XIRP2: variants seen among roughly 807,000 people sequenced by gnomAD.
XIRP2 encodes xin actin-binding repeat-containing protein 2.
XIRP2 carries 236 observed loss-of-function variants against 277.0 expected under a neutral mutation model. The ratio of observed to expected loss-of-function variants is 0.85; its 90% CI spans 0.77 to 0.95. The LOEUF (loss-of-function observed/expected upper bound fraction) is 0.95. Among genes scored for constraint, XIRP2 ranks in the 40% least tolerant of loss-of-function variants. The pLI is 0.00. For synonymous variants in XIRP2, 1,490 were observed against 1,416.5 expected (o/e 1.05, Z -1.17); for missense variants, 4,640 against 4,157.5 (o/e 1.12, Z -3.19).
chr2:166,995,877 C>A (rs1223271788), intron 2 of XIRP2, among the ~76,000 whole-genome samples: 1 of 152,158 alleles, frequency 6.6e-6, no homozygotes, highest in Non-Finnish European at 1.5e-5. Context: ...AGAGCCTATA[C>A]TTGCACTGTC....
At chr2:167,204,488 A>G (rs1693804855) in intron 3 of XIRP2, among the ~76,000 whole-genome samples, 1 of 152,150 alleles carries the variant, frequency 6.6e-6, no homozygotes, top group Non-Finnish European at 1.5e-5. Flanking sequence ...TTCCCTTCTC[A>G]GCTCTGAAAC....
intron 2 of XIRP2, among the ~76,000 whole-genome samples, chr2:167,089,960 G>A (rs957359580): frequency 1.3e-5 from 2 of 152,274 alleles, no homozygotes; most frequent in Middle Eastern, 3.4e-3. Context: ...TAGAAAAGTA[G>A]AGTTAAAACT....
intron 2 of XIRP2, among the ~76,000 whole-genome samples, chr2:167,085,974 A>T (rs1350593456): frequency 4.0e-5 from 6 of 151,280 alleles, no homozygotes; most frequent in Admixed American, 3.3e-4. Context: ...TGTGAATTTG[A>T]TCCTGTCATT....
At chr2:166,975,520 T>C (rs1244373209) in intron 2 of XIRP2, among the ~76,000 whole-genome samples, 2 of 151,884 alleles carry the variant, frequency 1.3e-5, no homozygotes, top group East Asian at 1.9e-4. Flanking sequence ...ATTAGAACTT[T>C]TGGTGTATTT....
At chr2:167,161,562 C>A (rs897916533) in intron 3 of XIRP2, among the ~76,000 whole-genome samples, 1 of 152,212 alleles carries the variant, frequency 6.6e-6, no homozygotes, top group Non-Finnish European at 1.5e-5. Flanking sequence ...TCTATGTTGG[C>A]CCCTTCCAGC....
intron 2 of XIRP2, among the ~76,000 whole-genome samples, chr2:166,929,990 GT>G (rs1321193397): frequency 3.3e-5 from 5 of 151,020 alleles, no homozygotes; most frequent in Admixed American, 1.3e-4. Context: ...GTAATTTAAC[GT>G]TTCTAAATGA....
chr2:167,141,727 G>C (rs1008742873), intron 3 of XIRP2, among the ~76,000 whole-genome samples: 1 of 151,972 alleles, frequency 6.6e-6, no homozygotes, highest in African/African-American at 2.4e-5. Flanking sequence ...CTGGGCTTGC[G>C]GCACATACCT....
intron 3 of XIRP2, among the ~76,000 whole-genome samples, chr2:167,156,780 C>T (rs1168446691): frequency 2.0e-5 from 3 of 152,086 alleles, no homozygotes; most frequent in Admixed American, 1.3e-4. Flanking sequence ...TAAAAATGAT[C>T]AAGGCTTGAA....
At chr2:167,203,496 A>G (rs1693776780) in intron 3 of XIRP2, among the ~76,000 whole-genome samples, 1 of 152,190 alleles carries the variant, frequency 6.6e-6, no homozygotes, top group African/African-American at 2.4e-5. Context: ...TTAGTTTGAG[A>G]AATGGAATCT....
chr2:166,921,097 T>C (rs1685025001), intron 2 of XIRP2, among the ~76,000 whole-genome samples: 1 of 152,116 alleles, frequency 6.6e-6, no homozygotes, highest in South Asian at 2.1e-4. Context: ...AATGTCTTTC[T>C]TTGGGCTCAA....
At chr2:167,026,392 G>T (rs563608163) in intron 2 of XIRP2, among the ~76,000 whole-genome samples, 37 of 152,078 alleles carry the variant, frequency 2.4e-4, no homozygotes, top group Non-Finnish European at 4.4e-4. Flanking sequence ...ACACTGAAGG[G>T]TCTTGACTCT....
chr2:167,088,851 A>G (rs1477007418), intron 2 of XIRP2, among the ~76,000 whole-genome samples: 1 of 152,152 alleles, frequency 6.6e-6, no homozygotes, highest in African/African-American at 2.4e-5. Context: ...AGCATTCACT[A>G]TGCCCCAAGA....
At chr2:167,034,932 T>C (rs1183344493) in intron 2 of XIRP2, among the ~76,000 whole-genome samples, 5 of 152,196 alleles carry the variant, frequency 3.3e-5, no homozygotes, top group East Asian at 1.9e-4. Flanking sequence ...GGAGCCAGTC[T>C]TTCCCATGCT....
intron 3 of XIRP2, among the ~76,000 whole-genome samples, chr2:167,145,923 T>C (rs1055662798): frequency 7.9e-5 from 12 of 151,986 alleles, no homozygotes; most frequent in African/African-American, 2.7e-4. Context: ...GGAAAATAAT[T>C]CACCATGAAA....
chr2:167,013,638 A>C (rs994021500), intron 2 of XIRP2, among the ~76,000 whole-genome samples: 2 of 151,642 alleles, frequency 1.3e-5, no homozygotes, highest in East Asian at 1.9e-4. Context: ...TTATAACATT[A>C]GATTTTCTAT....
At chr2:167,212,890 C>T (rs1694095927) in intron 4 of XIRP2, among the ~76,000 whole-genome samples, 1 of 58,470 alleles carries the variant, frequency 1.7e-5, no homozygotes, top group African/African-American at 7.4e-5. Flanking sequence ...GTTCAAGCCA[C>T]CCCCCCACCC....
At chr2:167,201,656 T>C (rs916322627) in intron 3 of XIRP2, among the ~76,000 whole-genome samples, 3 of 152,140 alleles carry the variant, frequency 2.0e-5, no homozygotes, top group Non-Finnish European at 4.4e-5. Flanking sequence ...AATTCTAAAC[T>C]CAAGCTTGTA....
intron 2 of XIRP2, among the ~76,000 whole-genome samples, chr2:166,939,699 CAAAAAACAAAAACAA>C (rs1685641227): frequency 8.3e-5 from 10 of 120,474 alleles, no homozygotes; most frequent in African/African-American, 3.3e-4. Context: ...AAAAAAAAAA[CAAAAAACAAAAACAA>C]AAAACAAAAC....
intron 2 of XIRP2, among the ~76,000 whole-genome samples, chr2:166,999,879 A>G (rs1687319458): frequency 2.0e-5 from 3 of 152,170 alleles, no homozygotes; most frequent in Admixed American, 2.0e-4. Context: ...GCTATTTTCA[A>G]AATTCTTTCT....
Sources: gnomAD v4.1 joint callset for allele counts (sites outside exome capture counted in the v4.1 genomes callset) on GRCh38, gnomAD v4.1.1 for gene constraint, MANE v1.5 for transcripts, NCBI Gene and HGNC (gene_info 2026-07-23, HGNC 2026-07-21) for gene names.